The following FN1 variants were observed in gnomAD, a reference collection of about 807,000 sequenced individuals.
FN1 encodes the protein fibronectin.
A neutral mutation model predicts 297.3 loss-of-function variants in FN1; 106 were observed. The ratio of observed to expected loss-of-function variants is 0.36; its 90% CI spans 0.30 to 0.42. FN1 has a LOEUF of 0.42. Ranked by LOEUF, FN1 falls within the 10% of genes least tolerant of loss-of-function variation. The probability of loss-of-function intolerance (pLI) is 1.00; values close to 1 mark genes in which losing one functional copy is unlikely to be tolerated. For synonymous variants in FN1, 1,149 were observed against 1,152.6 expected (o/e 1.00, Z 0.06); for missense variants, 2,690 against 3,124.9 (o/e 0.86, Z 3.32).
At position 215,407,248 on chromosome 2, in the gene FN1, G is replaced by A. The variant is rs74574217; in HGVS notation, c.2592C>T (p.Ser864=). Residue 864 remains serine, a synonymous_variant, in exon 18 of 46, where the codon TCC becomes TCT. Transcript: ENST00000354785. ...TELNLPETAN[S]VTLSDLQPGV... ...CAGGTTGCAAGTCACTGAGGGTGAC[G>A]GAGTTTGCAGTTTCAGGAAGGTTGA... The A allele has an allele frequency of 1.9e-3, 2,997 of 1,614,058 alleles. 61 individuals are homozygous for A. The African/African-American group carries it at 0.034, about 19-fold the overall frequency.
chr2:215,384,695 C>G (rs543073750), intron 29 of FN1, 165 bp downstream of exon 29: 1 of 596,354 alleles, frequency 1.7e-6, no homozygotes, highest in African/African-American at 1.9e-5. Context: ...GGTTTTAGAA[C>G]AAATTATATC....
chr2:215,404,346 A>T lies in FN1; in HGVS notation c.3253+43T>A, dbSNP rs543214387. Reference sequence around the variant, plus strand: ...TTGTTTTAAAGCATGAAGAATAGAGAATGTAAATATAGTTAAGAAAAGGCA... The same window carrying T: ...TTGTTTTAAAGCATGAAGAATAGAGTATGTAAATATAGTTAAGAAAAGGCA... On this transcript the variant is annotated intron_variant, in intron 20 of 45. Coordinates refer to ENST00000354785, the MANE Select transcript of FN1 (RefSeq NM_212482.4). The T allele has an allele frequency of 4.7e-5, 73 of 1,549,424 alleles. No homozygotes were observed. The South Asian group carries it at 7.9e-4, about 17-fold the overall frequency.
At chr2:215,412,540 G>A (rs1183584509) in intron 13 of FN1, among the ~76,000 whole-genome samples, 2 of 152,020 alleles carry the variant, frequency 1.3e-5, no homozygotes, top group Non-Finnish European at 2.9e-5. Context: ...AAGCTCAAGC[G>A]ATCCTTCCGC....
intron 30 of FN1, 133 bp from the exon 31 acceptor site, chr2:215,383,616 TAC>T: frequency 1.0e-6 from 1 of 973,020 alleles, no homozygotes; most frequent in Non-Finnish European, 1.6e-6. Context: ...CTCGAAAGAA[TAC>T]AGAGAGAGCT....
At chr2:215,422,393 A>G in intron 9 of FN1, 150 bp from the exon 10 acceptor site, 1 of 814,316 alleles carries the variant, frequency 1.2e-6, no homozygotes, top group Admixed American at 1.9e-5. Context: ...AAGTGCTGTC[A>G]GGTGAAGGGG....
intron 33 of FN1, chr2:215,379,680 TTTTC>T (rs1322028635): frequency 4.1e-6 from 1 of 246,480 alleles, no homozygotes; most frequent in Non-Finnish European, 8.0e-6. Flanking sequence ...CAATGGCCCT[TTTTC>T]TTTCTTAAAA....
intron 23 of FN1, 105 bp from the exon 24 acceptor site, chr2:215,394,824 G>T: frequency 1.2e-6 from 1 of 853,528 alleles, no homozygotes; most frequent in Non-Finnish European, 2.0e-6. Flanking sequence ...GCAGGACTTG[G>T]CATTTACTGA....
At chr2:215,428,785 G>A (rs1196465480) in intron 5 of FN1, among the ~76,000 whole-genome samples, 3 of 152,122 alleles carry the variant, frequency 2.0e-5, no homozygotes, top group African/African-American at 7.2e-5. Context: ...TTAGGAGGGT[G>A]GATCACCTGC....
chr2:215,395,098 T>C (rs943188836), intron 23 of FN1, among the ~76,000 whole-genome samples: 1 of 152,172 alleles, frequency 6.6e-6, no homozygotes, highest in South Asian at 2.1e-4. Flanking sequence ...TTTTCCTTAA[T>C]GAATCATTTG....
Position 215,435,663 on chromosome 2 carries a change from T to C in FN1, c.140A>G (p.Gln47Arg). 7 of 1,613,672 alleles carry C rather than the reference T, an allele frequency of 4.3e-6. No individual in the cohort carries two copies. The highest frequency in any genetic ancestry group is 1.3e-5 in the African/African-American group (1 of 75,056). ...VQPQSPVAVS[Q>R]SKPGCYDNGK... is the part of the protein sequence containing the mutation. ...CCGCGGTCAGTACTCACGCTTGCTTTGACTGACAGCCACCGGGGACTGGGG... is the reference window on the plus strand; with the variant it reads ...CCGCGGTCAGTACTCACGCTTGCTTCGACTGACAGCCACCGGGGACTGGGG... The change falls in exon 1 of 46, where the codon CAA (glutamine) becomes CGA (arginine). Residue 47 changes from glutamine to arginine, a missense_variant. Around this residue, in one of 3 missense-constraint regions of FN1, gnomAD observed 876 missense variants for 1,058.1 expected, o/e 0.83. Coordinates refer to ENST00000354785, the MANE Select transcript of FN1 (RefSeq NM_212482.4).
At chr2:215,384,770 C>A (rs954436432) in intron 29 of FN1, 90 bp downstream of exon 29, 5 of 931,070 alleles carry the variant, frequency 5.4e-6, no homozygotes, top group Non-Finnish European at 8.8e-6. Context: ...GCCAAAGTTT[C>A]TTTAATTCTT....
chr2:215,420,826 T>G lies in FN1; in HGVS notation c.1547-25A>C, dbSNP rs755898758. 6.2e-6 allele frequency: 10 copies of G among 1,612,972 alleles called. No individual in the cohort carries two copies. In the Admixed American group the frequency reaches 1.5e-4, roughly 24 times the overall value. On this transcript the variant is annotated intron_variant, in intron 10 of 45. Transcript: ENST00000354785. The stretch of plus-strand genomic sequence containing the variant: ...TCTGTTTAGGAAACAGGTGGGTGAG[T>G]GAGAAACTTTTTAAAGTTCCATTGA...
chr2:215,434,955 G>A, intron 1 of FN1, 131 bp from the exon 2 acceptor site: 2 of 1,025,076 alleles, frequency 2.0e-6, no homozygotes, highest in Non-Finnish European at 2.9e-6. Context: ...ATACAATGAT[G>A]TCATTTCCAT....
intron 33 of FN1, chr2:215,379,568 AAG>A (rs2057907521): frequency 2.5e-6 from 1 of 395,796 alleles, no homozygotes; most frequent in Admixed American, 4.1e-5. Flanking sequence ...CCAAAACTCT[AAG>A]AGATTTTAGG....
chr2:215,364,294 C>A (rs1314283381), intron 44 of FN1: 5 of 176,864 alleles, frequency 2.8e-5, no homozygotes, highest in Admixed American at 1.1e-4. Context: ...CATTTTCTTA[C>A]ATCTGAGATA....
At chr2:215,425,969 G>C (rs1249719178) in intron 6 of FN1, among the ~76,000 whole-genome samples, 1 of 152,082 alleles carries the variant, frequency 6.6e-6, no homozygotes, top group Non-Finnish European at 1.5e-5. Context: ...GCTCATCAGA[G>C]GGTGCCTTCA....
intron 25 of FN1, chr2:215,392,089 C>T: frequency 4.8e-6 from 2 of 420,792 alleles, no homozygotes; most frequent in South Asian, 4.7e-5. Flanking sequence ...ACTTTATGTA[C>T]ATTATTAATA....
intron 22 of FN1, 32 bp downstream of exon 22, chr2:215,397,648 A>C: frequency 6.2e-7 from 1 of 1,605,076 alleles, no homozygotes; most frequent in South Asian, 1.1e-5. Context: ...CAGTTTTAAA[A>C]ACTAATAGAA....
chr2:215,425,376 A>G, intron 6 of FN1, 91 bp from the exon 7 acceptor site: 2 of 1,290,910 alleles, frequency 1.5e-6, no homozygotes, highest in Non-Finnish European at 2.2e-6. Flanking sequence ...TCTCACAGAG[A>G]TCACTCTGAA....
Sources: allele counts gnomAD v4.1 joint callset (sites outside exome capture counted in the v4.1 genomes callset), GRCh38; gene constraint gnomAD v4.1.1; regional missense constraint gnomAD v4.1.1; transcripts MANE v1.5; gene names NCBI Gene and HGNC (gene_info 2026-07-23, HGNC 2026-07-21).